COL28A1: variants seen among roughly 807,000 people sequenced by gnomAD.
COL28A1 encodes collagen alpha-1(XXVIII) chain.
A neutral mutation model predicts 150.2 loss-of-function variants in COL28A1; 161 were observed. That is an observed-to-expected ratio of 1.07 (90% CI 0.94 to 1.22). The LOEUF (loss-of-function observed/expected upper bound fraction) is 1.22. COL28A1 is among the 50% of genes most tolerant of loss of function. The pLI, the probability that COL28A1 is intolerant of heterozygous loss-of-function variation, is 0.00. For synonymous variants in COL28A1, 552 were observed against 469.7 expected, an observed-to-expected ratio of 1.18 and a Z score of -2.26; for missense variants, 1,617 against 1,388.3, an observed-to-expected ratio of 1.16 and a Z score of -2.62.
intron 33 of COL28A1, among the ~76,000 whole-genome samples, chr7:7,366,802 C>T (rs1014005986): frequency 7.2e-5 from 11 of 152,132 alleles, no homozygotes. Context: ...ACTAGCTTTG[C>T]AGTATTGCCT....
At chr7:7,405,379 A>C (rs534325725) in intron 27 of COL28A1, among the ~76,000 whole-genome samples, 118 of 152,288 alleles carry the variant, frequency 7.7e-4, no homozygotes, top group Non-Finnish European at 1.2e-3. Context: ...TGGAAGATTT[A>C]TTTCTTTCTA....
At chr7:7,424,556 A>T (rs1459027549) in intron 25 of COL28A1, among the ~76,000 whole-genome samples, 1 of 152,186 alleles carries the variant, frequency 6.6e-6, no homozygotes, top group African/African-American at 2.4e-5. Flanking sequence ...ATAGCTTCCC[A>T]CGCAACAGCT....
chr7:7,530,044 G>A (rs150233895), intron 3 of COL28A1, among the ~76,000 whole-genome samples: 18 of 152,254 alleles, frequency 1.2e-4, no homozygotes, highest in Non-Finnish European at 1.9e-4. Context: ...TTGGAGGAGG[G>A]CTGCTACCAA....
intron 25 of COL28A1, chr7:7,431,435 G>A: frequency 4.5e-6 from 2 of 442,790 alleles, no homozygotes; most frequent in Non-Finnish European, 9.5e-6. Flanking sequence ...ACATACAGAG[G>A]GGTTGGGGTA....
chr7:7,490,103 T>C (rs890720262), intron 12 of COL28A1, among the ~76,000 whole-genome samples: 12 of 152,248 alleles, frequency 7.9e-5, no homozygotes, highest in African/African-American at 2.9e-4. Flanking sequence ...TCCTGCATAA[T>C]GTACAGCCTC....
intron 15 of COL28A1, among the ~76,000 whole-genome samples, chr7:7,464,446 A>G (rs1388053542): frequency 6.6e-6 from 1 of 152,244 alleles, no homozygotes; most frequent in African/African-American, 2.4e-5. Flanking sequence ...AAGAAAAGTG[A>G]AATTATACCA....
At chr7:7,477,766 G>T (rs10240375) in intron 13 of COL28A1, among the ~76,000 whole-genome samples, 2,196 of 152,286 alleles carry the variant, frequency 0.014, 54 homozygotes, top group African/African-American at 0.05. Context: ...AGCTTCCACG[G>T]TATGGAAACG....
At chr7:7,508,313 ATAATT>A (rs113862744) in intron 9 of COL28A1, among the ~76,000 whole-genome samples, 3 of 152,272 alleles carry the variant, frequency 2.0e-5, no homozygotes, top group African/African-American at 7.2e-5. Flanking sequence ...GGGAACTACC[ATAATT>A]TATTTACTCA....
chr7:7,448,759 A>G (rs367872278), intron 18 of COL28A1, among the ~76,000 whole-genome samples: 2 of 152,086 alleles, frequency 1.3e-5, no homozygotes, highest in Admixed American at 6.5e-5. Flanking sequence ...ATAATACAAT[A>G]CTATTCAGCA....
the COL28A1 span, among the ~76,000 whole-genome samples, chr7:7,344,194 T>G: frequency 6.6e-6 from 1 of 152,106 alleles, no homozygotes; most frequent in Non-Finnish European, 1.5e-5. Flanking sequence ...ATTGTCCTTT[T>G]ACTATTTATG....
intron 33 of COL28A1, among the ~76,000 whole-genome samples, chr7:7,361,788 C>T (rs868429266): frequency 2.6e-5 from 4 of 151,678 alleles, no homozygotes; most frequent in African/African-American, 4.8e-5. Flanking sequence ...AACCCAAATG[C>T]TCATCAATGA....
At chr7:7,490,423 G>A (rs959119138) in intron 12 of COL28A1, among the ~76,000 whole-genome samples, 155 bp downstream of exon 12, 1 of 152,168 alleles carries the variant, frequency 6.6e-6, no homozygotes, top group African/African-American at 2.4e-5. Flanking sequence ...CCCCTGACAA[G>A]CACATTTCTG....
downstream of COL28A1, among the ~76,000 whole-genome samples, chr7:7,351,506 T>A (rs1007749630): frequency 6.6e-6 from 1 of 151,976 alleles, no homozygotes; most frequent in South Asian, 2.1e-4. Context: ...ACAATAGCAA[T>A]AGAGGGGACA....
upstream of COL28A1, among the ~76,000 whole-genome samples, chr7:7,540,514 C>G (rs1283789749): frequency 1.3e-5 from 2 of 152,068 alleles, no homozygotes. Context: ...ATATTAAGAC[C>G]CACCCAAAGG....
intron 26 of COL28A1, 123 bp from the exon 27 acceptor site, chr7:7,418,050 A>G (rs376991094): frequency 1.3e-5 from 9 of 668,096 alleles, no homozygotes; most frequent in African/African-American, 1.1e-4. Context: ...CATGCTGCCT[A>G]TAAGCTACTT....
intron 15 of COL28A1, among the ~76,000 whole-genome samples, chr7:7,471,034 C>G (rs1427160932): frequency 1.6e-3 from 223 of 140,672 alleles, no homozygotes; most frequent in African/African-American, 4.6e-3. Context: ...GTGGGTGCAG[C>G]GCACCAGCAT....
At chr7:7,442,460 A>G (rs1009571708) in intron 20 of COL28A1, among the ~76,000 whole-genome samples, 1 of 152,200 alleles carries the variant, frequency 6.6e-6, no homozygotes, top group Non-Finnish European at 1.5e-5. Context: ...TTCTAAAAGT[A>G]TATTTCACGT....
At chr7:7,509,808 T>C (rs926398344) in intron 9 of COL28A1, among the ~76,000 whole-genome samples, 11 of 152,246 alleles carry the variant, frequency 7.2e-5, no homozygotes, top group African/African-American at 2.7e-4. Flanking sequence ...TGTGTCCCTT[T>C]TTCTGCATTG....
intron 11 of COL28A1, among the ~76,000 whole-genome samples, chr7:7,498,977 G>C (rs10225196): frequency 0.043 from 6,559 of 152,098 alleles, 475 homozygotes; most frequent in African/African-American, 0.15. Context: ...AGCTATTTGG[G>C]AATAGAAATC....
Sources: allele counts gnomAD v4.1 joint callset (sites outside exome capture counted in the v4.1 genomes callset), GRCh38; gene constraint gnomAD v4.1.1; transcripts MANE v1.5; gene names NCBI Gene and HGNC (gene_info 2026-07-23, HGNC 2026-07-21).